The following NID2 variants were observed in gnomAD, a reference collection of about 807,000 sequenced individuals.
NID2 encodes the protein nidogen 2, also known as nidogen-2.
Under a neutral mutation model 145.4 loss-of-function variants are expected in NID2, and 83 were observed. The ratio of observed to expected loss-of-function variants is 0.57; its 90% confidence interval spans 0.48 to 0.69. NID2 has a LOEUF of 0.69. NID2 is among the 30% of genes least tolerant of loss of function. The pLI, the probability that NID2 is intolerant of heterozygous loss-of-function variation, is 0.00. For synonymous variants in NID2, 739 were observed against 701.3 expected, an observed-to-expected ratio of 1.05 and a Z score of -0.85; for missense variants, 1,807 against 1,765.7, an observed-to-expected ratio of 1.02 and a Z score of -0.42.
chr14:52,051,758 A>T (rs1892686221), intron 5 of NID2, among the ~76,000 whole-genome samples: 1 of 152,146 alleles, frequency 6.6e-6, no homozygotes, highest in Non-Finnish European at 1.5e-5. Flanking sequence ...ACACTTCTAG[A>T]TTTCTTCCTC....
At position 52,019,149 on chromosome 14, in the gene NID2, G is replaced by A. The variant is rs756262289; in HGVS notation, c.2940C>T (p.Phe980=). ...LPLQCHGSTG[F]CWCVDPDGHE... is the part of the protein sequence containing the mutation. Reference sequence around the variant, plus strand: ...GACCATCAGGGTCCACGCACCAGCAGAAACCAGTGCTGCCATGACACTGTA... The same window carrying A: ...GACCATCAGGGTCCACGCACCAGCAAAAACCAGTGCTGCCATGACACTGTA... The change falls in exon 14 of 22, where the codon TTC becomes TTT. Residue 980 remains phenylalanine (F), a synonymous_variant. Coordinates refer to ENST00000216286, the MANE Select transcript of NID2 (RefSeq NM_007361.4). The A allele has an allele frequency of 1.9e-5, 31 of 1,614,050 alleles. No homozygotes were observed. The African/African-American group carries it at 3.2e-4, about 17-fold the overall frequency.
intron 12 of NID2, among the ~76,000 whole-genome samples, chr14:52,020,511 C>A (rs992086284): frequency 6.6e-6 from 1 of 152,168 alleles, no homozygotes; most frequent in Admixed American, 6.5e-5. Flanking sequence ...TTTGAACTAA[C>A]CTTTAGACTA....
At position 52,028,280 on chromosome 14, in the gene NID2, T is replaced by TTTG. The variant is rs1555363405; in HGVS notation, c.2530+441_2530+442insCAA. On this transcript the variant is annotated intron_variant, in intron 11 of 21. Coordinates refer to ENST00000216286, the MANE Select transcript of NID2 (RefSeq NM_007361.4). The stretch of plus-strand genomic sequence containing the variant: ...GCTTTGAGAGATTTTGTTGTTTTTT[T>TTTG]TTTTGTTTTTTTGAGACAGAGTCTC... Among the ~76,000 whole-genome samples, 41 of 133,638 alleles carry TTTG rather than the reference T, an allele frequency of 3.1e-4. 1 individual carries two copies. Among genetic ancestry groups the TTTG allele is most frequent in the Admixed American group, 3.2e-4 (4 of 12,572 alleles). The allele number at this position is 133,638 out of a possible 152,430, so 87.7% of individuals were successfully genotyped here.
chr14:52,011,240 C>G (rs1279117771), intron 17 of NID2, among the ~76,000 whole-genome samples, 193 bp from the exon 18 acceptor site: 1 of 152,188 alleles, frequency 6.6e-6, no homozygotes, highest in Non-Finnish European at 1.5e-5. Flanking sequence ...AGCTTCTAGA[C>G]CAGCAGACCT....
At chr14:52,030,847 T>A (rs960877499) in intron 9 of NID2, among the ~76,000 whole-genome samples, 14 of 152,128 alleles carry the variant, frequency 9.2e-5, no homozygotes, top group African/African-American at 3.1e-4. Context: ...CAGGACCATG[T>A]CTTAAAATAT....
chr14:52,014,216 C>A (rs1407276900), intron 16 of NID2, 71 bp downstream of exon 16: 1 of 1,598,484 alleles, frequency 6.3e-7, no homozygotes, highest in East Asian at 2.2e-5. Context: ...CTCACTGCAA[C>A]AGGGCCTGTG....
chr14:52,046,341 A>AAAAAAAAGC lies in NID2; in HGVS notation c.1430-3411_1430-3410insGCTTTTTTT, dbSNP rs33978626. ...CCATCTCAAAAAAAAAAAAAAAAAAAAGCCGTTTTCATAATATTCAGATAA... is the reference window on the plus strand; with the variant it reads ...CCATCTCAAAAAAAAAAAAAAAAAAAAAAAAAAGCAGCCGTTTTCATAATATTCAGATAA... On this transcript the variant is annotated intron_variant, in intron 5 of 21. Coordinates refer to ENST00000216286, the MANE Select transcript of NID2 (RefSeq NM_007361.4). 3.6e-4 allele frequency among the ~76,000 whole-genome samples: 44 copies of AAAAAAAAGC among 123,164 alleles called. 7 individuals are homozygous for AAAAAAAAGC. Among genetic ancestry groups the AAAAAAAAGC allele is most frequent in the African/African-American group, 8.1e-4 (26 of 32,156 alleles). The allele number at this position is 123,164 out of a possible 152,430, so 80.8% of individuals were successfully genotyped here. A position where few individuals can be genotyped will look rare whatever the true frequency, so the allele number is the denominator to read the frequency against.
intron 16 of NID2, among the ~76,000 whole-genome samples, chr14:52,012,899 C>T (rs1367897568): frequency 1.3e-5 from 2 of 152,152 alleles, no homozygotes; most frequent in African/African-American, 2.4e-5. Flanking sequence ...GCCTAACAGC[C>T]TCCTGGGGCT....
intron 3 of NID2, among the ~76,000 whole-genome samples, chr14:52,057,684 C>A (rs1201300650): frequency 2.8e-5 from 3 of 107,426 alleles, no homozygotes; most frequent in East Asian, 2.9e-4. Flanking sequence ...GCCTGGGCGA[C>A]AAGAGCGAAC....
rs1890795650 is a variant in NID2, at chr14:52,006,631, C to T, written c.3910G>A (p.Asp1304Asn). ...GTKKLECTLPDGTGRRVIQNN... is the reference protein window; with the variant it reads ...GTKKLECTLPNGTGRRVIQNN... Reference sequence around the variant, plus strand: ...TGAATGACACGCCGTCCAGTTCCATCAGGTAGTGTACACTCCAGTTTTTTG... The same window carrying T: ...TGAATGACACGCCGTCCAGTTCCATTAGGTAGTGTACACTCCAGTTTTTTG... The change falls in exon 20 of 22, where the codon GAT becomes AAT. Residue 1304 changes from aspartate to asparagine, a missense_variant. Asp to Asn is a conservative substitution (Grantham distance 23). Coordinates refer to ENST00000216286, the MANE Select transcript of NID2 (RefSeq NM_007361.4). 3.7e-6 allele frequency: 6 copies of T among 1,613,810 alleles called. No individual in the cohort carries two copies. The East Asian group carries it at 1.3e-4, about 36-fold the overall frequency.
chr14:52,035,428 GTCTT>G (rs1421465661), intron 9 of NID2, among the ~76,000 whole-genome samples: 4 of 152,166 alleles, frequency 2.6e-5, no homozygotes, highest in South Asian at 4.1e-4. Flanking sequence ...TTTCCTGCAT[GTCTT>G]TCTGTGACAT....
intron 9 of NID2, among the ~76,000 whole-genome samples, chr14:52,036,839 TTTAG>T (rs1239281895): frequency 1.4e-5 from 2 of 140,410 alleles, no homozygotes; most frequent in Non-Finnish European, 3.1e-5. Context: ...TTGCCCATCT[TTTAG>T]TTAGCTTGTT....
chr14:52,005,727 T>G lies in NID2; in HGVS notation c.4117+10A>C. ...TAATTTAAAGGAGCATCCTAAAGCA[T>G]ACTTTTTACCTGTTGGGCAGTAGGG... On this transcript the variant is annotated intron_variant, in intron 21 of 21. Transcript: ENST00000216286. The G allele has an allele frequency of 6.2e-7, 1 of 1,602,118 alleles. No homozygotes were observed.
intron 5 of NID2, among the ~76,000 whole-genome samples, chr14:52,045,209 A>T (rs1156686503): frequency 6.6e-6 from 1 of 152,164 alleles, no homozygotes; most frequent in East Asian, 1.9e-4. Flanking sequence ...AGCAGGGAAG[A>T]TTATCGAGAT....
At position 52,014,435 on chromosome 14, in the gene NID2, G is replaced by A. The variant is rs1192754150; in HGVS notation, c.3272C>T (p.Pro1091Leu). 1 of 1,612,534 alleles carries A rather than the reference G, an allele frequency of 6.2e-7. No individual in the cohort carries two copies. The highest frequency in any genetic ancestry group is 8.5e-7 in the Non-Finnish European group (1 of 1,179,164). The change falls in exon 16 of 22, where the codon CCC becomes CTC. Residue 1091 changes from proline (P) to leucine (L), a missense_variant. Physicochemically the swap from Pro to Leu is moderately conservative, Grantham distance 98. Transcript: ENST00000216286. ...TPACIPTVAP[P>L]MVRPTPRPDV... ...TGGCCGGGGCGTGGGCCGGACCATG[G>A]GTGGAGCGACGGTGGGTATACCTGT...
chr14:52,032,812 A>AAAAAAACAAAAAACAAAAAAC (rs768138463), intron 9 of NID2, among the ~76,000 whole-genome samples: 14 of 151,390 alleles, frequency 9.2e-5, no homozygotes, highest in African/African-American at 3.4e-4. Flanking sequence ...AAGAAAAAAA[A>AAAAAAACAAAAAACAAAAAAC]AAAATCTCAG....
intron 15 of NID2, among the ~76,000 whole-genome samples, 185 bp from the exon 16 acceptor site, chr14:52,014,641 T>C (rs898222871): frequency 5.3e-5 from 8 of 152,058 alleles, no homozygotes; most frequent in African/African-American, 1.9e-4. Context: ...GGATCAATTA[T>C]GTAAATCTGC....
At chr14:52,007,611 A>ATAT in intron 19 of NID2, 199 bp downstream of exon 19, 1 of 577,874 alleles carries the variant, frequency 1.7e-6, no homozygotes, top group South Asian at 2.1e-5. Context: ...ACTGCTTGAT[A>ATAT]TATCCTTCCC....
intron 9 of NID2, among the ~76,000 whole-genome samples, chr14:52,035,326 T>TA (rs1892017746): frequency 6.6e-6 from 1 of 152,248 alleles, no homozygotes; most frequent in African/African-American, 2.4e-5. Context: ...ACTGTCTCTA[T>TA]AGTGTAACCT....
Sources: allele counts gnomAD v4.1 joint callset (sites outside exome capture counted in the v4.1 genomes callset), GRCh38; gene constraint gnomAD v4.1.1; transcripts MANE v1.5; gene names NCBI Gene and HGNC (gene_info 2026-07-23, HGNC 2026-07-21).